The following RYR3 variants were observed in gnomAD, a reference collection of about 807,000 sequenced individuals.
RYR3 encodes the protein brain ryanodine receptor-calcium release channel.
Under a neutral mutation model 584.3 loss-of-function variants are expected in RYR3, and 207 were observed. The observed-to-expected ratio is 0.35, with a 90% confidence interval of 0.32 to 0.40. RYR3 has a LOEUF of 0.40. Ranked by LOEUF, RYR3 falls within the 10% of genes least tolerant of loss-of-function variation. The pLI is 1.00. For synonymous variants in RYR3, 2,416 were observed against 2,248.5 expected (o/e 1.07, Z -2.11); for missense variants, 5,616 against 6,089.2 (o/e 0.92, Z 2.59).
At chr15:33,464,505 CAT>C (rs1176302693) in intron 1 of RYR3, among the ~76,000 whole-genome samples, 4,075 of 86,152 alleles carry the variant, frequency 0.047, 398 homozygotes, top group Middle Eastern at 0.11. Flanking sequence ...TATATATATA[CAT>C]ACACATACAC....
At chr15:33,389,359 G>A (rs2041844391) in intron 1 of RYR3, among the ~76,000 whole-genome samples, 2 of 152,164 alleles carry the variant, frequency 1.3e-5, no homozygotes, top group Non-Finnish European at 2.9e-5. Context: ...AATAGTGTAA[G>A]TATGTTTTTT....
In RYR3 at chr15:33,550,265, C is replaced by G. The variant is rs1255476929; in HGVS notation, c.921C>G (p.Asp307Glu). 6.2e-7 allele frequency: 1 copy of G among 1,613,656 alleles called. No homozygotes were observed. Among genetic ancestry groups the G allele is most frequent in the South Asian group, 1.1e-5 (1 of 90,998 alleles). The change falls in exon 10 of 104, where the codon GAC (aspartate) becomes GAG (glutamate). Residue 307 changes from aspartate to glutamate, a missense_variant. Asp to Glu is a conservative substitution (Grantham distance 45). This residue lies in a region of RYR3 where 1,284 missense variants were observed against 1,344.6 expected (regional missense o/e 0.95). Transcript: ENST00000634891. ...LTEDQGLILQ[D>E]RAKSDTKSTA... ...AAGACCAAGGCCTTATACTGCAAGA[C>G]CGGGCAAAGTCAGACACCAAGTCCA... is the stretch of plus-strand genomic sequence containing the variant.
intron 1 of RYR3, among the ~76,000 whole-genome samples, chr15:33,435,629 C>G (rs2045634379): frequency 6.6e-6 from 1 of 152,146 alleles, no homozygotes; most frequent in South Asian, 2.1e-4. Context: ...TGGGTTCTTG[C>G]TCTTGCTAAC....
At chr15:33,478,917 T>A (rs1352914382) in intron 2 of RYR3, among the ~76,000 whole-genome samples, 1 of 152,218 alleles carries the variant, frequency 6.6e-6, no homozygotes, top group Non-Finnish European at 1.5e-5. Flanking sequence ...CAATTTACCT[T>A]AGTGCCCTTT....
At chr15:33,410,965 G>A (rs150841690) in intron 1 of RYR3, among the ~76,000 whole-genome samples, 40 of 152,182 alleles carry the variant, frequency 2.6e-4, no homozygotes, top group Admixed American at 2.4e-3. Context: ...ATAAGATCTC[G>A]TGAGGCTTAT....
At chr15:33,750,348 C>T (rs941859268) in intron 57 of RYR3, 62 bp downstream of exon 57, 37 of 1,549,884 alleles carry the variant, frequency 2.4e-5, no homozygotes, top group South Asian at 1.3e-4. Context: ...TATTTAATTA[C>T]GTGCCTACAA....
intron 67 of RYR3, among the ~76,000 whole-genome samples, chr15:33,797,751 GC>G (rs1481376975): frequency 6.6e-6 from 1 of 151,708 alleles, no homozygotes; most frequent in Non-Finnish European, 1.5e-5. Context: ...TTGTTCCTTG[GC>G]TAGATAGGAT....
intron 1 of RYR3, among the ~76,000 whole-genome samples, chr15:33,331,460 G>T (rs565720605): frequency 6.6e-6 from 1 of 152,064 alleles, no homozygotes; most frequent in South Asian, 2.1e-4. Context: ...TTTTGGTAGC[G>T]AATTAATTGT....
At chr15:33,847,293 A>G (rs948907686) in intron 93 of RYR3, 3 of 152,180 alleles carry the variant, frequency 2.0e-5, no homozygotes, top group Non-Finnish European at 4.4e-5. Flanking sequence ...GCAAGAGGTA[A>G]CTCTTTACAA....
chr15:33,678,377 T>A (rs2064335289), intron 38 of RYR3, among the ~76,000 whole-genome samples: 1 of 152,166 alleles, frequency 6.6e-6, no homozygotes, highest in African/African-American at 2.4e-5. Flanking sequence ...TCATACGCAC[T>A]CTCTCTCTCC....
intron 10 of RYR3, 43 bp from the exon 11 acceptor site, chr15:33,562,794 A>T (rs2057480908): frequency 1.4e-6 from 2 of 1,454,024 alleles, no homozygotes; most frequent in South Asian, 1.2e-5. Flanking sequence ...CTTCTAATTT[A>T]ATCAGCTATG....
chr15:33,528,250 A>G (rs1358613295), intron 3 of RYR3, among the ~76,000 whole-genome samples: 1 of 152,138 alleles, frequency 6.6e-6, no homozygotes, highest in Non-Finnish European at 1.5e-5. Context: ...TGAGCCCTCC[A>G]TAATCTGGCC....
At chr15:33,809,394 G>A (rs1396669645) in intron 70 of RYR3, among the ~76,000 whole-genome samples, 1 of 152,106 alleles carries the variant, frequency 6.6e-6, no homozygotes, top group African/African-American at 2.4e-5. Flanking sequence ...CCCACTTCCA[G>A]CAAGTGCCCA....
chr15:33,751,869 T>C (rs1008453723), intron 57 of RYR3, among the ~76,000 whole-genome samples: 6 of 152,156 alleles, frequency 3.9e-5, no homozygotes, highest in African/African-American at 1.4e-4. Flanking sequence ...TTTGGTCTTA[T>C]GTTTAAGTCT....
intron 1 of RYR3, among the ~76,000 whole-genome samples, chr15:33,399,532 C>G (rs1595974340): frequency 6.6e-6 from 1 of 151,920 alleles, no homozygotes; most frequent in Non-Finnish European, 1.5e-5. Context: ...CAGCTACTCG[C>G]GAGGCTGAGG....
At chr15:33,863,053 TAGACCAGTGGA>T (rs1889020758) in intron 102 of RYR3, among the ~76,000 whole-genome samples, 1 of 152,252 alleles carries the variant, frequency 6.6e-6, no homozygotes, top group South Asian at 2.1e-4. Context: ...CCATGGGTTA[TAGACCAGTGGA>T]AGGATGCTGT....
At chr15:33,796,381 A>T (rs1469784670) in intron 67 of RYR3, among the ~76,000 whole-genome samples, 1 of 151,776 alleles carries the variant, frequency 6.6e-6, no homozygotes, top group Non-Finnish European at 1.5e-5. Flanking sequence ...CGATTCACCC[A>T]CCTTGGCCTC....
intron 64 of RYR3, among the ~76,000 whole-genome samples, chr15:33,779,506 G>T (rs573384443): frequency 6.6e-6 from 1 of 152,108 alleles, no homozygotes; most frequent in South Asian, 2.1e-4. Context: ...TGGTGCTTTG[G>T]TGTGCTACCT....
At chr15:33,703,626 G>A (rs2066464013) in intron 42 of RYR3, among the ~76,000 whole-genome samples, 1 of 150,198 alleles carries the variant, frequency 6.7e-6, no homozygotes, top group Admixed American at 6.6e-5. Flanking sequence ...AACATTCTGG[G>A]ATATTGAGGG....
Sources: gnomAD v4.1 joint callset for allele counts (sites outside exome capture counted in the v4.1 genomes callset) on GRCh38, gnomAD v4.1.1 for gene constraint, gnomAD v4.1.1 regional missense constraint, MANE v1.5 for transcripts, NCBI Gene and HGNC (gene_info 2026-07-23, HGNC 2026-07-21) for gene names.